Variants in CALN1 observed in about 807,000 individuals in gnomAD.
The protein encoded by CALN1 is calneuron 1.
A neutral mutation model predicts 30.6 loss-of-function variants in CALN1; 17 were observed. The ratio of observed to expected loss-of-function variants is 0.56; its 90% CI spans 0.38 to 0.83. The LOEUF (loss-of-function observed/expected upper bound fraction) is 0.83, where lower values mean the gene tolerates loss of function less well. Among genes scored for constraint, CALN1 ranks in the 40% least tolerant of loss-of-function variants. The pLI is 0.00. For synonymous variants in CALN1, 156 were observed against 131.4 expected (o/e 1.19, Z -1.28); for missense variants, 291 against 354.9 (o/e 0.82, Z 1.45).
intron 3 of CALN1, among the ~76,000 whole-genome samples, chr7:72,204,291 A>C (rs570331445): frequency 2.0e-5 from 3 of 151,848 alleles, no homozygotes; most frequent in East Asian, 3.9e-4. Flanking sequence ...CACCGCACCC[A>C]GCCAAAGCCA....
chr7:72,014,810 T>TC (rs1800285963), intron 5 of CALN1, among the ~76,000 whole-genome samples: 1 of 151,960 alleles, frequency 6.6e-6, no homozygotes. Flanking sequence ...TACAGGCATG[T>TC]CCCACCATGT....
chr7:72,294,211 A>C (rs1035313397), intron 2 of CALN1, among the ~76,000 whole-genome samples: 1 of 152,176 alleles, frequency 6.6e-6, no homozygotes, highest in Non-Finnish European at 1.5e-5. Flanking sequence ...TGGGTCACTT[A>C]AATTAAAATA....
intron 5 of CALN1, among the ~76,000 whole-genome samples, chr7:72,001,896 A>T (rs770547620): frequency 3.3e-5 from 5 of 152,234 alleles, no homozygotes; most frequent in Non-Finnish European, 7.3e-5. Context: ...TTTAAAAGTC[A>T]ATCAACATAA....
chr7:72,044,599 CTT>C (rs549079139), intron 4 of CALN1, among the ~76,000 whole-genome samples: 346 of 96,570 alleles, frequency 3.6e-3, no homozygotes, highest in African/African-American at 0.014. Context: ...CCGCTTAAAA[CTT>C]TTTTTTTTTT....
chr7:71,922,879 C>T (rs1795042543), intron 5 of CALN1, among the ~76,000 whole-genome samples: 1 of 98,602 alleles, frequency 1.0e-5, no homozygotes, highest in African/African-American at 4.4e-5. Flanking sequence ...AATATATAAA[C>T]ATATATATTA....
At chr7:72,145,739 C>T (rs200906729) in intron 3 of CALN1, among the ~76,000 whole-genome samples, 27,320 of 151,988 alleles carry the variant, frequency 0.18, 2,651 homozygotes, top group East Asian at 0.28. Context: ...ACTGGCAAAC[C>T]GAATCCAGCA....
rs937930594 is a variant in CALN1 at position 71,817,452 on chromosome 7, T to A, written c.502-6960A>T. ...TGCAATTTTTGGAAACCTAAGGAAT[T>A]TTCCACTATAGTAGAATCTCTGTAA... On this transcript the variant is annotated intron_variant, in intron 5 of 6. Coordinates refer to ENST00000395275, the MANE Select transcript of CALN1 (RefSeq NM_031468.4). Among the ~76,000 whole-genome samples the A allele has an allele frequency of 3.9e-5, 6 of 152,236 alleles. No homozygotes were observed. The East Asian group carries it at 1.2e-3, about 29-fold the overall frequency.
chr7:72,375,863 C>A (rs907724430), intron 2 of CALN1, among the ~76,000 whole-genome samples: 3 of 152,116 alleles, frequency 2.0e-5, no homozygotes, highest in African/African-American at 7.2e-5. Flanking sequence ...TTACAACTAT[C>A]TGATACTAGA....
intron 3 of CALN1, among the ~76,000 whole-genome samples, chr7:72,131,862 G>A (rs117662158): frequency 1.3e-5 from 2 of 152,162 alleles, no homozygotes; most frequent in Non-Finnish European, 2.9e-5. Context: ...CTAGCTCTCT[G>A]TGAATCTGTT....
chr7:72,083,147 G>T (rs1303300533), intron 4 of CALN1, among the ~76,000 whole-genome samples: 1 of 152,024 alleles, frequency 6.6e-6, no homozygotes, highest in African/African-American at 2.4e-5. Context: ...GATGCAGTGA[G>T]CCGAGATCGC....
chr7:72,320,175 G>C (rs1266170297), intron 2 of CALN1, among the ~76,000 whole-genome samples: 2 of 152,034 alleles, frequency 1.3e-5, no homozygotes, highest in Non-Finnish European at 2.9e-5. Context: ...TAAAAATCAG[G>C]CTGTAATACC....
chr7:71,803,774 TGCACCC>T, intron 6 of CALN1, among the ~76,000 whole-genome samples: 1 of 152,132 alleles, frequency 6.6e-6, no homozygotes, highest in Non-Finnish European at 1.5e-5. Context: ...CAGGAACCAC[TGCACCC>T]AGCCAGGCTT....
At chr7:72,159,377 G>A (rs1012452358) in intron 3 of CALN1, among the ~76,000 whole-genome samples, 1 of 152,172 alleles carries the variant, frequency 6.6e-6, no homozygotes, top group Non-Finnish European at 1.5e-5. Flanking sequence ...GTGTGTGCCT[G>A]TAATCCAGCT....
intron 5 of CALN1, among the ~76,000 whole-genome samples, chr7:71,863,557 C>CAAAAAAAAAAAAA (rs71531769): frequency 1.6e-4 from 5 of 32,208 alleles, no homozygotes; most frequent in Non-Finnish European, 2.3e-4. Flanking sequence ...AACTCCATCT[C>CAAAAAAAAAAAAA]AAAAAAAAAA....
At chr7:72,461,552 GAAAC>G in the CALN1 span, among the ~76,000 whole-genome samples, 2 of 152,134 alleles carry the variant, frequency 1.3e-5, no homozygotes, top group South Asian at 4.1e-4. Flanking sequence ...AATTAACGCA[GAAAC>G]AAACAACCAA....
At chr7:72,384,752 T>TG (rs1250093651) in intron 2 of CALN1, among the ~76,000 whole-genome samples, 1 of 152,142 alleles carries the variant, frequency 6.6e-6, no homozygotes, top group Non-Finnish European at 1.5e-5. Flanking sequence ...ACCTTGTGTT[T>TG]GGTGGTGAGC....
chr7:72,402,736 G>C (rs562399321), intron 2 of CALN1, among the ~76,000 whole-genome samples: 1 of 152,330 alleles, frequency 6.6e-6, no homozygotes, highest in Non-Finnish European at 1.5e-5. Flanking sequence ...AGACAGGGTA[G>C]CCTAGTGGTT....
intron 4 of CALN1, among the ~76,000 whole-genome samples, chr7:72,095,305 G>A (rs969460448): frequency 2.0e-5 from 3 of 152,110 alleles, no homozygotes; most frequent in African/African-American, 7.2e-5. Flanking sequence ...GCATTAGCTA[G>A]TATTATTGTT....
intron 3 of CALN1, among the ~76,000 whole-genome samples, chr7:72,137,540 AAAAC>A (rs764423975): frequency 7.9e-4 from 120 of 152,324 alleles, no homozygotes; most frequent in Middle Eastern, 6.8e-3. Context: ...TAATTTGTAA[AAAAC>A]AAACAAACAA....
Sources: gnomAD v4.1 joint callset for allele counts (sites outside exome capture counted in the v4.1 genomes callset) on GRCh38, gnomAD v4.1.1 for gene constraint, MANE v1.5 for transcripts, NCBI Gene and HGNC (gene_info 2026-07-23, HGNC 2026-07-21) for gene names.